Variants in FAM110B observed in about 807,000 individuals in gnomAD.
FAM110B encodes family with sequence similarity 110 member B, also known as protein FAM110B.
FAM110B carries 6 observed loss-of-function variants against 20.4 expected under a neutral mutation model. The observed-to-expected ratio is 0.29, with a 90% CI of 0.16 to 0.58. FAM110B has a LOEUF of 0.58. FAM110B is among the 20% of genes least tolerant of loss of function. The pLI, the probability that FAM110B is intolerant of heterozygous loss-of-function variation, is 0.90. For missense variants in FAM110B, 434 were observed against 498.2 expected (o/e 0.87, Z 1.23); for synonymous variants, 226 against 214.1 (o/e 1.06, Z -0.49).
At chr8:58,068,070 G>A (rs1413842868) in intron 2 of FAM110B, among the ~76,000 whole-genome samples, 1 of 152,226 alleles carries the variant, frequency 6.6e-6, no homozygotes, top group African/African-American at 2.4e-5. Flanking sequence ...CCTATTTTGA[G>A]CTAGCAGTCT....
intron 3 of FAM110B, among the ~76,000 whole-genome samples, chr8:58,077,710 C>G (rs969664525): frequency 1.3e-5 from 2 of 152,160 alleles, no homozygotes; most frequent in Non-Finnish European, 2.9e-5. Context: ...TCCCTCCCCC[C>G]ATCAAGGCAA....
chr8:58,135,089 G>A (rs1444040749), intron 3 of FAM110B, among the ~76,000 whole-genome samples: 1 of 152,184 alleles, frequency 6.6e-6, no homozygotes, highest in Non-Finnish European at 1.5e-5. Flanking sequence ...ATAAGGTGGG[G>A]TGGGCCAAGC....
intron 3 of FAM110B, among the ~76,000 whole-genome samples, chr8:58,093,855 C>T (rs929049734): frequency 4.6e-5 from 7 of 152,196 alleles, no homozygotes; most frequent in Admixed American, 1.3e-4. Flanking sequence ...GCCATTTTCA[C>T]GATATTGATT....
chr8:58,049,573 G>T lies in FAM110B; in HGVS notation c.-414+17870G>T, dbSNP rs528551374. 1.7e-4 allele frequency among the ~76,000 whole-genome samples: 26 copies of T among 151,986 alleles called. No homozygotes were observed. In the South Asian group the frequency reaches 5.2e-3, roughly 30 times the overall value. On this transcript the variant is annotated intron_variant, in intron 2 of 3. Coordinates refer to ENST00000519262, the MANE Select transcript of FAM110B (RefSeq NM_001377989.1). ...GGATAGACACTTTAATTGACCCCTC[G>T]CCACTGTCACACTACACATATATAA...
At chr8:58,027,551 T>C (rs556611060) in intron 1 of FAM110B, among the ~76,000 whole-genome samples, 1 of 152,140 alleles carries the variant, frequency 6.6e-6, no homozygotes. Flanking sequence ...AATCTTGAAA[T>C]AGAACATCTC....
At chr8:58,126,484 G>A (rs1807507544) in intron 3 of FAM110B, among the ~76,000 whole-genome samples, 1 of 152,146 alleles carries the variant, frequency 6.6e-6, no homozygotes, top group Admixed American at 6.5e-5. Flanking sequence ...CTATTTACCA[G>A]GGTGTCTCTA....
chr8:58,114,225 G>A (rs947365681), intron 3 of FAM110B, among the ~76,000 whole-genome samples: 2 of 152,192 alleles, frequency 1.3e-5, no homozygotes, highest in African/African-American at 4.8e-5. Context: ...TCCATGGGAA[G>A]GGCTTGTACT....
At chr8:58,025,015 G>A (rs1804826260) in intron 1 of FAM110B, among the ~76,000 whole-genome samples, 1 of 152,150 alleles carries the variant, frequency 6.6e-6, no homozygotes, top group South Asian at 2.1e-4. Flanking sequence ...ATACACTGCA[G>A]ACAGGACATA....
intron 2 of FAM110B, among the ~76,000 whole-genome samples, chr8:58,038,949 C>A (rs895971185): frequency 1.3e-5 from 2 of 152,210 alleles, no homozygotes; most frequent in East Asian, 3.9e-4. Flanking sequence ...TCTGGGCACC[C>A]GCTGTGCGGT....
intron 2 of FAM110B, chr8:58,070,265 T>G (rs1296733881): frequency 6.6e-6 from 1 of 152,212 alleles, no homozygotes; most frequent in African/African-American, 2.4e-5. Context: ...GTGGAGGTGC[T>G]CGGCTGGTAA....
intron 1 of FAM110B, among the ~76,000 whole-genome samples, chr8:57,997,204 T>C (rs1380053497): frequency 2.6e-5 from 4 of 152,312 alleles, no homozygotes; most frequent in Non-Finnish European, 4.4e-5. Flanking sequence ...TATGGTCTAG[T>C]AGAATCCCAG....
chr8:58,024,582 G>A (rs1396636291), intron 1 of FAM110B, among the ~76,000 whole-genome samples: 2 of 152,150 alleles, frequency 1.3e-5, no homozygotes, highest in African/African-American at 4.8e-5. Flanking sequence ...TCCAAGGTAC[G>A]TTATGAATAA....
chr8:58,103,376 T>C (rs1361397222), intron 3 of FAM110B, among the ~76,000 whole-genome samples: 2 of 140,086 alleles, frequency 1.4e-5, no homozygotes, highest in East Asian at 4.7e-4. Flanking sequence ...CCTGTGTCCA[T>C]GTGTTCTCAT....
At chr8:58,136,289 C>T (rs1803613309) in intron 3 of FAM110B, among the ~76,000 whole-genome samples, 2 of 152,054 alleles carry the variant, frequency 1.3e-5, no homozygotes, top group East Asian at 1.9e-4. Flanking sequence ...GGATTATAGG[C>T]GTGAGCCACC....
chr8:58,139,444 G>A (rs1029455989), intron 3 of FAM110B, among the ~76,000 whole-genome samples: 1 of 152,174 alleles, frequency 6.6e-6, no homozygotes, highest in African/African-American at 2.4e-5. Context: ...GTTTCCAGAT[G>A]GTTGGCCCTC....
chr8:58,132,117 C>G (rs1803487011), intron 3 of FAM110B, among the ~76,000 whole-genome samples: 1 of 120,264 alleles, frequency 8.3e-6, no homozygotes, highest in African/African-American at 5.8e-5. Context: ...CTTGGAGAAT[C>G]TCACCAAAGA....
chr8:58,018,880 G>T (rs1804689288), intron 1 of FAM110B, among the ~76,000 whole-genome samples: 1 of 152,040 alleles, frequency 6.6e-6, no homozygotes, highest in South Asian at 2.1e-4. Context: ...TACATTGAAT[G>T]AATATTTTAC....
chr8:58,089,916 A>G (rs1806431838), intron 3 of FAM110B, among the ~76,000 whole-genome samples: 1 of 152,192 alleles, frequency 6.6e-6, no homozygotes, highest in African/African-American at 2.4e-5. Context: ...CTTCTCATAC[A>G]TTAGCAGGAT....
chr8:58,003,182 G>A (rs1052698828), intron 1 of FAM110B, among the ~76,000 whole-genome samples: 8 of 152,116 alleles, frequency 5.3e-5, no homozygotes, highest in Non-Finnish European at 2.9e-5. Context: ...TCCATAATAA[G>A]CAACTCCTCA....
Sources: gnomAD v4.1 joint callset for allele counts (sites outside exome capture counted in the v4.1 genomes callset) on GRCh38, gnomAD v4.1.1 for gene constraint, MANE v1.5 for transcripts, NCBI Gene and HGNC (gene_info 2026-07-23, HGNC 2026-07-21) for gene names.